Variants in SMAP2 observed in about 807,000 individuals in gnomAD.
SMAP2 encodes stromal membrane-associated protein 2.
A neutral mutation model predicts 56.4 loss-of-function variants in SMAP2; 25 were observed. The observed-to-expected ratio is 0.44, with a 90% confidence interval of 0.32 to 0.62. The LOEUF is 0.62. Ranked by LOEUF, SMAP2 falls within the 20% of genes least tolerant of loss-of-function variation. The probability of loss-of-function intolerance (pLI) is 0.04; values close to 1 mark genes in which losing one functional copy is unlikely to be tolerated. For synonymous variants in SMAP2, 157 were observed against 181.7 expected, an observed-to-expected ratio of 0.86 and a Z score of 1.09; for missense variants, 388 against 545.6, an observed-to-expected ratio of 0.71 and a Z score of 2.88.
At chr1:40,399,491 CT>C (rs1175925694) in intron 1 of SMAP2, among the ~76,000 whole-genome samples, 101 of 140,882 alleles carry the variant, frequency 7.2e-4, no homozygotes, top group South Asian at 1.6e-3. Flanking sequence ...CTTTCTTTCT[CT>C]TTTTTTTTTT....
rs374145091 is a variant in SMAP2, at chr1:40,404,022, G to C, written c.104-2714G>C. Among the ~76,000 whole-genome samples the C allele has an allele frequency of 9.2e-5, 14 of 152,266 alleles. 1 individual carries two copies. The highest frequency in any genetic ancestry group is 5.8e-4 in the East Asian group (3 of 5,172). On this transcript the variant is annotated intron_variant, in intron 1 of 9. Transcript: ENST00000372718. ...CTGAGGTGGGAGAATCGCTTGAGGC[G>C]AGGAGTTTGAGGTTACAGTGAACCA...
chr1:40,360,854 C>T (rs757199243), intron 1 of SMAP2, among the ~76,000 whole-genome samples: 2 of 152,202 alleles, frequency 1.3e-5, no homozygotes, highest in African/African-American at 2.4e-5. Flanking sequence ...AAACAGTTCA[C>T]ATTAGTCTCA....
At chr1:40,421,881 C>A in intron 9 of SMAP2, 95 bp from the exon 10 acceptor site, 1 of 1,421,598 alleles carries the variant, frequency 7.0e-7, no homozygotes, top group South Asian at 1.2e-5. Flanking sequence ...CTCATTCTCC[C>A]CATCCTGGCA....
intron 1 of SMAP2, among the ~76,000 whole-genome samples, chr1:40,384,610 T>C (rs1644635414): frequency 6.6e-6 from 1 of 152,204 alleles, no homozygotes; most frequent in Admixed American, 6.5e-5. Flanking sequence ...TTCAGTGCAG[T>C]GTGAGTATGT....
intron 1 of SMAP2, among the ~76,000 whole-genome samples, chr1:40,394,744 G>A (rs960688368): frequency 2.0e-5 from 3 of 152,010 alleles, no homozygotes; most frequent in Non-Finnish European, 4.4e-5. Flanking sequence ...TCTTTTTTAC[G>A]ACGATGTAAT....
chr1:40,378,785 G>A (rs75490881), intron 1 of SMAP2, among the ~76,000 whole-genome samples: 358 of 152,226 alleles, frequency 2.4e-3, no homozygotes, highest in Non-Finnish European at 3.0e-3. Context: ...CACTGCCTCT[G>A]TTCCAACTCC....
rs551008156 is a variant in SMAP2, at chr1:40,408,770, G to C, written c.323+32G>C. On this transcript the variant is annotated intron_variant, in intron 3 of 9. Transcript: ENST00000372718. This position sits in a 1 kb window ranked among gnomAD's most constrained non-coding sequence, Gnocchi z 4.3. ...TTTCTGGAGCAACTTAGAAGGCTGA[G>C]TGGTATTTTGATGCTTGGGGAGAGT... is the stretch of plus-strand genomic sequence containing the variant. 1 of 1,568,030 alleles carries C rather than the reference G, an allele frequency of 6.4e-7. No homozygotes were observed. The highest frequency in any genetic ancestry group is 1.7e-5 in the Admixed American group (1 of 59,922).
Position 40,412,192 on chromosome 1 carries a change from G to T in SMAP2, c.403-824G>T, listed in dbSNP as rs146391293. The stretch of plus-strand genomic sequence containing the variant: ...CTTTTTCATATTTTGGACTATTTTC[G>T]TAAGATACATTACAAGATATGGTAT... On this transcript the variant is annotated intron_variant, in intron 4 of 9. Transcript: ENST00000372718. Among the ~76,000 whole-genome samples, 526 of 151,998 alleles carry T rather than the reference G, an allele frequency of 3.5e-3. 2 individuals are homozygous for T. Among genetic ancestry groups the T allele is most frequent in the African/African-American group, 0.012 (487 of 41,428 alleles).
At chr1:40,405,759 T>C (rs1644879543) in intron 1 of SMAP2, among the ~76,000 whole-genome samples, 2 of 152,222 alleles carry the variant, frequency 1.3e-5, no homozygotes, top group African/African-American at 4.8e-5. Context: ...GTCATTTTTC[T>C]TTCCTGGGTA....
At chr1:40,373,147 C>T (rs1472560924), upstream of SMAP2, among the ~76,000 whole-genome samples, 1 of 152,164 alleles carries the variant, frequency 6.6e-6, no homozygotes, top group African/African-American at 2.4e-5. Context: ...ACTGTCTGGG[C>T]ACCAGGCCAA....
At chr1:40,406,616 T>G in intron 1 of SMAP2, 120 bp from the exon 2 acceptor site, 1 of 1,056,850 alleles carries the variant, frequency 9.5e-7, no homozygotes, top group Non-Finnish European at 1.4e-6. Context: ...AATAAACAGG[T>G]GGTTATGGTA....
At chr1:40,362,306 T>A (rs1644463453) in exon 2 of SMAP2, 1 of 152,234 alleles carries the variant, frequency 6.6e-6, no homozygotes. Flanking sequence ...AAAGCTGGTG[T>A]GCAGAGAAGC....
chr1:40,353,049 C>T (rs1253519316), intron 1 of SMAP2, among the ~76,000 whole-genome samples: 6 of 152,170 alleles, frequency 3.9e-5, no homozygotes, highest in Non-Finnish European at 7.3e-5. Context: ...CGGGGTTGCC[C>T]ACAGCCATGT....
chr1:40,372,999 T>C (rs1401883234), upstream of SMAP2, among the ~76,000 whole-genome samples: 3 of 152,220 alleles, frequency 2.0e-5, no homozygotes, highest in African/African-American at 7.2e-5. Context: ...TGATGTTTAA[T>C]AATCATTTTT....
At chr1:40,414,527 C>G (rs1177099211) in intron 6 of SMAP2, among the ~76,000 whole-genome samples, 1 of 152,176 alleles carries the variant, frequency 6.6e-6, no homozygotes, top group Non-Finnish European at 1.5e-5. Flanking sequence ...GTTTACTTAA[C>G]CTCTGAATGT....
chr1:40,414,210 A>G lies in SMAP2; in HGVS notation c.541A>G (p.Thr181Ala), dbSNP rs1644965000. ...QLPRKSSPKS[T>A]APVMDLLGLD... The stretch of plus-strand genomic sequence containing the variant: ...ACCTCGGAAAAGCTCCCCGAAATCC[A>G]CAGCGCCTGTCATGGATTTGTTGGG... Residue 181 changes from threonine (T) to alanine (A), a missense_variant, in exon 6 of 10, where the codon ACA (threonine) becomes GCA (alanine). Coordinates refer to ENST00000372718, the MANE Select transcript of SMAP2 (RefSeq NM_022733.3). 1.2e-6 allele frequency: 2 copies of G among 1,614,098 alleles called. No individual in the cohort carries two copies. The highest frequency in any genetic ancestry group is 1.3e-5 in the African/African-American group (1 of 74,946).
In SMAP2 at chr1:40,375,477, G is replaced by A. The variant is rs76038179; in HGVS notation, c.103+1254G>A. Among the ~76,000 whole-genome samples the A allele has an allele frequency of 2.0e-3, 311 of 152,238 alleles. 1 individual carries two copies. The highest frequency in any genetic ancestry group is 7.0e-3 in the African/African-American group (291 of 41,536). On this transcript the variant is annotated intron_variant, in intron 1 of 9. Transcript: ENST00000372718. The stretch of plus-strand genomic sequence containing the variant: ...AAGGTTATAAAAGGAGAACAGGGGA[G>A]GGATACATAGACACCTAGTAATGTA...
intron 1 of SMAP2, among the ~76,000 whole-genome samples, chr1:40,351,717 G>A (rs936693724): frequency 1.3e-5 from 2 of 152,106 alleles, no homozygotes; most frequent in African/African-American, 2.4e-5. Context: ...GGTCAGGCTC[G>A]TCTCGAACTC....
intron 1 of SMAP2, among the ~76,000 whole-genome samples, chr1:40,397,315 T>G (rs1644781941): frequency 6.6e-6 from 1 of 152,208 alleles, no homozygotes; most frequent in Admixed American, 6.5e-5. Flanking sequence ...CCCTGAGAAC[T>G]GATTACCAAA....
Sources: allele counts gnomAD v4.1 joint callset (sites outside exome capture counted in the v4.1 genomes callset), GRCh38; gene constraint gnomAD v4.1.1; non-coding constraint Gnocchi (gnomAD v3.1); transcripts MANE v1.5; gene names NCBI Gene and HGNC (gene_info 2026-07-23, HGNC 2026-07-21).